The following TSC2 variants were observed in gnomAD, a reference collection of about 807,000 sequenced individuals.
TSC2 encodes the protein TSC complex subunit 2.
In TSC2, 29 loss-of-function variants were observed where a neutral mutation model predicts 202.2. That is an observed-to-expected ratio of 0.14 (90% CI 0.11 to 0.20). The LOEUF (loss-of-function observed/expected upper bound fraction) is 0.20, where lower values mean the gene tolerates loss of function less well. TSC2 is among the 10% of genes least tolerant of loss of function. The pLI is 1.00. For missense variants in TSC2, 2,429 were observed against 2,420.0 expected (o/e 1.00, Z -0.08); for synonymous variants, 1,349 against 1,044.0 (o/e 1.29, Z -5.63).
chr16:2,084,595 C>T lies in TSC2; in HGVS notation c.4373C>T (p.Pro1458Leu). Residue 1458 changes from proline (P) to leucine (L), a missense_variant, in exon 34 of 42, where the codon CCC becomes CTC. Coordinates refer to ENST00000219476, the MANE Select transcript of TSC2 (RefSeq NM_000548.5). ...CCCCGCTCGCCCAGTGGCCTCCGGC[C>T]CCGAGGTTACACCATCTCCGACTCG... ...SSPRSPSGLRPRGYTISDSAP... is the reference protein window; with the variant it reads ...SSPRSPSGLRLRGYTISDSAP... 6.2e-7 allele frequency: 1 copy of T among 1,604,508 alleles called. No individual in the cohort carries two copies. Among genetic ancestry groups the T allele is most frequent in the Middle Eastern group, 1.6e-4 (1 of 6,062 alleles).
rs776658284 is a variant in TSC2 at position 2,079,095 on chromosome 16, G to A, written c.3030G>A (p.Gln1010=). The A allele has an allele frequency of 1.1e-5, 18 of 1,612,912 alleles. No individual in the cohort carries two copies. In the South Asian group the frequency reaches 1.4e-4, roughly 13 times the overall value. The change falls in exon 27 of 42, where the codon CAG becomes CAA. Residue 1010 remains glutamine (Q), a synonymous_variant. Transcript: ENST00000219476. This position sits in a 1 kb window ranked among gnomAD's most constrained non-coding sequence, Gnocchi z 4.6. ...LGSADENSVA[Q]ADDSLKNLHL... is the part of the protein sequence containing the mutation. ...CTGCAGATGAGAACTCCGTGGCCCAGGCTGACGATAGCCTGAAAAACCTCC... is the reference window on the plus strand; with the variant it reads ...CTGCAGATGAGAACTCCGTGGCCCAAGCTGACGATAGCCTGAAAAACCTCC...
intron 11 of TSC2, 196 bp downstream of exon 11, chr16:2,061,009 C>A: frequency 2.9e-6 from 2 of 692,398 alleles, no homozygotes; most frequent in Non-Finnish European, 4.8e-6. Context: ...CGTGGTGCAT[C>A]GTTTAGGCCC....
chr16:2,067,727 G>A (rs531737285), intron 16 of TSC2, among the ~76,000 whole-genome samples: 3 of 152,126 alleles, frequency 2.0e-5, no homozygotes, highest in African/African-American at 4.8e-5. Flanking sequence ...CCCAGATCAC[G>A]CCATTGCACT....
chr16:2,086,448 A>G lies in TSC2; in HGVS notation c.4849+69A>G, dbSNP rs2090804126. ...GGCACGGCTCCCATCCAGTCCTGCT[A>G]CCCCACGCCCTGGGGCATGGCCCTG... On this transcript the variant is annotated intron_variant, in intron 37 of 41. Coordinates refer to ENST00000219476, the MANE Select transcript of TSC2 (RefSeq NM_000548.5). 2.1e-5 allele frequency: 33 copies of G among 1,568,680 alleles called. 2 individuals carry two copies. In the South Asian group the frequency reaches 3.7e-4, roughly 18 times the overall value.
At chr16:2,074,489 T>G in intron 22 of TSC2, 100 bp downstream of exon 22, 1 of 1,457,720 alleles carries the variant, frequency 6.9e-7, no homozygotes, top group Non-Finnish European at 9.3e-7. Context: ...TTGGGGAACC[T>G]GGGTGTCTCG....
At position 2,084,967 on chromosome 16, in the gene TSC2, C is replaced by T. The variant is rs747613240; in HGVS notation, c.4510C>T (p.Leu1504Phe). The change falls in exon 35 of 42, where the codon CTC becomes TTC. Residue 1504 changes from leucine (L) to phenylalanine (F), a missense_variant. By Grantham distance (22) the Leu-to-Phe change is conservative. Transcript: ENST00000219476. ...CCTGTGCAGTTTCGTGTTCCTGCAGCTCTACCATTCCCCCTTCTTTGGCGA... is the reference window on the plus strand; with the variant it reads ...CCTGTGCAGTTTCGTGTTCCTGCAGTTCTACCATTCCCCCTTCTTTGGCGA... ...GINPSFVFLQ[L>F]YHSPFFGDES... 3.7e-5 allele frequency: 60 copies of T among 1,613,232 alleles called. No individual in the cohort carries two copies. The highest frequency in any genetic ancestry group is 1.1e-5 in the South Asian group (1 of 91,090).
chr16:2,072,766 G>A (rs1457226974), intron 20 of TSC2, 83 bp from the exon 21 acceptor site: 49 of 1,606,770 alleles, frequency 3.0e-5, no homozygotes, highest in African/African-American at 4.0e-5. Flanking sequence ...CTGGGCCTGC[G>A]TTCCCAGGGC....
At chr16:2,075,507 A>G (rs1230061460) in intron 22 of TSC2, among the ~76,000 whole-genome samples, 3 of 142,138 alleles carry the variant, frequency 2.1e-5, no homozygotes, top group Non-Finnish European at 4.5e-5. Flanking sequence ...AGCCTGGGCG[A>G]CAGAGCCAGA....
chr16:2,048,760 G>GAGCT lies in TSC2; in HGVS notation c.138+9_138+12dup, dbSNP rs1422520591. On this transcript the variant is annotated splice_region_variant and intron_variant, in intron 2 of 41. Coordinates refer to ENST00000219476, the MANE Select transcript of TSC2 (RefSeq NM_000548.5). ...CACCGCGGAAATACTGAGAGTGAGTGAGCTACCTGTGTCTTTGCTAGGCTA... is the reference window on the plus strand; with the variant it reads ...CACCGCGGAAATACTGAGAGTGAGTGAGCTAGCTACCTGTGTCTTTGCTAGGCTA... 6.2e-7 allele frequency: 1 copy of GAGCT among 1,613,988 alleles called. No individual in the cohort carries two copies. Among genetic ancestry groups the GAGCT allele is most frequent in the Non-Finnish European group, 8.5e-7 (1 of 1,180,006 alleles).
At position 2,058,853 on chromosome 16, in the gene TSC2, G is replaced by A. The variant is rs1432086775; in HGVS notation, c.955G>A (p.Val319Met). ...TTCTCTCAGGAACTCGCCGACATCT[G>A]TGTTGCCATCATTTTACCAGGTAAG... ...LYSLRNSPTS[V>M]LPSFYQAMAC... The change falls in exon 10 of 42, where the codon GTG (valine) becomes ATG (methionine). Residue 319 changes from valine (V) to methionine (M), a missense_variant. Val to Met is a conservative substitution (Grantham distance 21, BLOSUM62 1). Transcript: ENST00000219476. The A allele has an allele frequency of 6.2e-7, 1 of 1,608,426 alleles. No individual in the cohort carries two copies. The highest frequency in any genetic ancestry group is 8.5e-7 in the Non-Finnish European group (1 of 1,177,512).
At chr16:2,051,434 A>G (rs918776942) in intron 3 of TSC2, among the ~76,000 whole-genome samples, 5 of 152,294 alleles carry the variant, frequency 3.3e-5, no homozygotes, top group East Asian at 1.9e-4. Flanking sequence ...TCCACAGAGA[A>G]CAATCCTAGG....
rs2151538251 is a variant in TSC2 at position 2,084,710 on chromosome 16, C to T, written c.4488C>T (p.Asn1496=). Residue 1496 remains asparagine (N), a synonymous_variant, in exon 34 of 42, where the codon AAC becomes AAT. Coordinates refer to ENST00000219476, the MANE Select transcript of TSC2 (RefSeq NM_000548.5). The part of the protein sequence containing the change: ...ASNAEKVPGI[N]PSFVFLQLYH... Reference sequence around the variant, plus strand: ...ATGCAGAGAAAGTGCCAGGCATCAACCCCAGGTGGGCCTCTTGCTTCCGGG... The same window carrying T: ...ATGCAGAGAAAGTGCCAGGCATCAATCCCAGGTGGGCCTCTTGCTTCCGGG... 2.5e-6 allele frequency: 4 copies of T among 1,598,530 alleles called. No individual in the cohort carries two copies. Among genetic ancestry groups the T allele is most frequent in the Non-Finnish European group, 3.4e-6 (4 of 1,179,862 alleles).
intron 22 of TSC2, chr16:2,075,218 G>C (rs1201610708): frequency 1.5e-5 from 2 of 132,332 alleles, no homozygotes; most frequent in Non-Finnish European, 3.1e-5. Flanking sequence ...GCGAGACACC[G>C]TCTCAAAAAA....
intron 25 of TSC2, 78 bp downstream of exon 25, chr16:2,076,663 T>TC (rs1221467563): frequency 1.4e-6 from 2 of 1,456,260 alleles, no homozygotes; most frequent in African/African-American, 1.4e-5. Flanking sequence ...TGACGGTGCC[T>TC]CCAAGTCAGT....
chr16:2,076,240 G>A, intron 24 of TSC2, 70 bp downstream of exon 24: 1 of 1,603,702 alleles, frequency 6.2e-7, no homozygotes, highest in Non-Finnish European at 8.5e-7. Context: ...GGCTGTCCAT[G>A]GTCGGGCAGA....
At chr16:2,056,885 T>G (rs535964877) in intron 8 of TSC2, 116 bp downstream of exon 8, 1 of 1,531,220 alleles carries the variant, frequency 6.5e-7, no homozygotes, top group African/African-American at 1.4e-5. Context: ...AATGGCCTGT[T>G]GAGGGACGGC....
At chr16:2,067,521 A>ATGAGATGG (rs2151235494) in intron 16 of TSC2, among the ~76,000 whole-genome samples, 1 of 150,158 alleles carries the variant, frequency 6.7e-6, no homozygotes, top group African/African-American at 2.5e-5. Context: ...CCGTAATCCC[A>ATGAGATGG]GCACTTTGGG....
At chr16:2,064,696 C>A in intron 15 of TSC2, 1 of 549,120 alleles carries the variant, frequency 1.8e-6, no homozygotes, top group East Asian at 3.2e-5. Context: ...GGAGCCCAGA[C>A]CTGGGGCTGG....
At chr16:2,067,907 C>T (rs1046311748) in intron 16 of TSC2, among the ~76,000 whole-genome samples, 1 of 152,210 alleles carries the variant, frequency 6.6e-6, no homozygotes, top group African/African-American at 2.4e-5. Flanking sequence ...GAGAACCTTT[C>T]TGCTTCTGCA....
Sources: gnomAD v4.1 joint callset for allele counts (sites outside exome capture counted in the v4.1 genomes callset) on GRCh38, gnomAD v4.1.1 for gene constraint, Gnocchi (gnomAD v3.1) non-coding constraint, MANE v1.5 for transcripts, NCBI Gene and HGNC (gene_info 2026-07-23, HGNC 2026-07-21) for gene names.